TMPRSS15: variants seen among roughly 807,000 people sequenced by gnomAD.
TMPRSS15 encodes the protein transmembrane serine protease 15.
A neutral mutation model predicts 125.3 loss-of-function variants in TMPRSS15; 128 were observed. The ratio of observed to expected loss-of-function variants is 1.02; its 90% CI spans 0.89 to 1.18. The LOEUF (loss-of-function observed/expected upper bound fraction) is 1.18. Ranked by LOEUF, TMPRSS15 falls within the 50% of genes most tolerant of loss-of-function variation. The probability of loss-of-function intolerance (pLI) is 0.00; values close to 1 mark genes in which losing one functional copy is unlikely to be tolerated. For missense variants in TMPRSS15, 1,283 were observed against 1,212.7 expected, an observed-to-expected ratio of 1.06 and a Z score of -0.86; for synonymous variants, 446 against 423.2, an observed-to-expected ratio of 1.05 and a Z score of -0.66.
At chr21:18,400,618 A>G (rs1041101462) in intron 1 of TMPRSS15, among the ~76,000 whole-genome samples, 1 of 152,168 alleles carries the variant, frequency 6.6e-6, no homozygotes, top group African/African-American at 2.4e-5. Flanking sequence ...ACCTCAAACT[A>G]TAACAATCCT....
chr21:18,434,949 C>A (rs190950273), intron 1 of TMPRSS15, among the ~76,000 whole-genome samples: 13 of 152,094 alleles, frequency 8.5e-5, no homozygotes, highest in African/African-American at 3.1e-4. Flanking sequence ...TAGATATTAT[C>A]TTTTCTAAAT....
At chr21:18,421,868 TC>T (rs2076192553) in intron 1 of TMPRSS15, among the ~76,000 whole-genome samples, 1 of 152,160 alleles carries the variant, frequency 6.6e-6, no homozygotes, top group African/African-American at 2.4e-5. Flanking sequence ...AAAATGATTA[TC>T]GATACACCCC....
intron 24 of TMPRSS15, among the ~76,000 whole-genome samples, chr21:18,274,746 G>A (rs1056708775): frequency 2.0e-5 from 3 of 152,168 alleles, no homozygotes; most frequent in Non-Finnish European, 2.9e-5. Flanking sequence ...GTTACTGCAC[G>A]CCTGGATGAT....
At position 18,294,340 on chromosome 21, in the gene TMPRSS15, C is replaced by G; in HGVS notation, c.2416G>C (p.Gly806Arg). Residue 806 changes from glycine to arginine, a missense_variant, in exon 21 of 25, where the codon GGC (glycine) becomes CGC (arginine). Gly to Arg is a moderately radical substitution (Grantham distance 125). Coordinates refer to ENST00000284885, the MANE Select transcript of TMPRSS15 (RefSeq NM_002772.3). ...WPWVVGLYYG[G>R]RLLCGASLVS... ...AGAGATGCGCCGCAGAGCAGTCGGC[C>G]GCCATAATACAGACCCACAACCCAG... 3 of 1,614,222 alleles carry G rather than the reference C, an allele frequency of 1.9e-6. No homozygotes were observed. Among genetic ancestry groups the G allele is most frequent in the Non-Finnish European group, 2.5e-6 (3 of 1,180,044 alleles).
At chr21:18,341,268 G>A (rs889425746) in intron 13 of TMPRSS15, 145 bp downstream of exon 13, 14 of 937,372 alleles carry the variant, frequency 1.5e-5, no homozygotes, top group East Asian at 2.5e-5. Flanking sequence ...ACAGAGTCTC[G>A]CTGTAATCCT....
At position 18,294,633 on chromosome 21, in the gene TMPRSS15, A is replaced by G. The variant is rs1283966464; in HGVS notation, c.2281T>C (p.Ser761Pro). ...TGGTTACACTGTAACCGAATCAAGG[A>G]ATCCTGTAAACACTGTTGACTGTAA... ...LTPSQQCLQD[S>P]LIRLQCNHKS... The change falls in exon 20 of 25, where the codon TCC becomes CCC. Residue 761 changes from serine (S) to proline (P), a missense_variant. Physicochemically the swap from Ser to Pro is moderately conservative, Grantham distance 74. Transcript: ENST00000284885. The G allele has an allele frequency of 6.2e-7, 1 of 1,611,134 alleles. No homozygotes were observed. The highest frequency in any genetic ancestry group is 1.3e-5 in the African/African-American group (1 of 74,894).
At chr21:18,407,628 G>A (rs1038719007), upstream of TMPRSS15, among the ~76,000 whole-genome samples, 7 of 151,468 alleles carry the variant, frequency 4.6e-5, no homozygotes, top group East Asian at 3.9e-4. Flanking sequence ...CTCTTCCCCC[G>A]CTTTTTTCTT....
chr21:18,329,182 A>G lies in TMPRSS15; in HGVS notation c.1767T>C (p.Asp589=). The G allele has an allele frequency of 6.2e-7, 1 of 1,612,782 alleles. No homozygotes were observed. The highest frequency in any genetic ancestry group is 8.5e-7 in the Non-Finnish European group (1 of 1,179,118). Reference sequence around the variant, plus strand: ...TTGCAGACTTACCTAAGAGCAAGGAATCAGCTTCTTCACCATCTCTTATTT... The same window carrying G: ...TTGCAGACTTACCTAAGAGCAAGGAGTCAGCTTCTTCACCATCTCTTATTT... ...VVEIRDGEEA[D]SLLLAVYTGP... is the part of the protein sequence containing the mutation. Residue 589 remains aspartate, a synonymous_variant, in exon 15 of 25, where the codon GAT becomes GAC. Coordinates refer to ENST00000284885, the MANE Select transcript of TMPRSS15 (RefSeq NM_002772.3).
At chr21:18,436,083 C>A (rs1374624213) in intron 1 of TMPRSS15, among the ~76,000 whole-genome samples, 1 of 150,166 alleles carries the variant, frequency 6.7e-6, no homozygotes. Flanking sequence ...AAAAAACCAG[C>A]TCCTGGATTC....
Position 18,359,336 on chromosome 21 carries a change from G to T in TMPRSS15, c.880+421C>A, listed in dbSNP as rs190104627. Among the ~76,000 whole-genome samples, 9 of 152,128 alleles carry T rather than the reference G, an allele frequency of 5.9e-5. No individual in the cohort carries two copies. In the East Asian group the frequency reaches 1.7e-3, roughly 29 times the overall value. The stretch of plus-strand genomic sequence containing the variant: ...TTAGCCACTTTATTAGTAATAGCCT[G>T]CAGGAGACCGAGGAGCAGGATGAAC... On this transcript the variant is annotated intron_variant, in intron 8 of 24. Transcript: ENST00000284885.
chr21:18,471,381 T>A (rs2123283251), intron 1 of TMPRSS15, among the ~76,000 whole-genome samples: 1 of 152,200 alleles, frequency 6.6e-6, no homozygotes, highest in African/African-American at 2.4e-5. Flanking sequence ...TATATAGAAC[T>A]TTTTACAGCC....
chr21:18,464,589 C>A (rs1429081917), intron 1 of TMPRSS15, among the ~76,000 whole-genome samples: 5 of 152,044 alleles, frequency 3.3e-5, no homozygotes, highest in Non-Finnish European at 7.4e-5. Context: ...TCACCACCAA[C>A]CCCATAGAAA....
At chr21:18,380,604 AT>A (rs1401603220) in intron 4 of TMPRSS15, 4 of 470,650 alleles carry the variant, frequency 8.5e-6, no homozygotes, top group Non-Finnish European at 1.8e-5. Flanking sequence ...CGTAAAGTTG[AT>A]TTAACACATG....
In TMPRSS15 at chr21:18,344,644, C is replaced by T. The variant is rs533958460; in HGVS notation, c.1172-584G>A. ...AGAAAGCATGCTAATCCGTATAAAACTTTCAAAATAGCACAAGCCACTGCA... is the reference window on the plus strand; with the variant it reads ...AGAAAGCATGCTAATCCGTATAAAATTTTCAAAATAGCACAAGCCACTGCA... On this transcript the variant is annotated intron_variant, in intron 10 of 24. Transcript: ENST00000284885. Among the ~76,000 whole-genome samples, 8 of 152,296 alleles carry T rather than the reference C, an allele frequency of 5.3e-5. No individual in the cohort carries two copies. The East Asian group carries it at 1.5e-3, about 29-fold the overall frequency.
chr21:18,388,348 G>T (rs2075963238), intron 3 of TMPRSS15, among the ~76,000 whole-genome samples: 1 of 152,110 alleles, frequency 6.6e-6, no homozygotes. Flanking sequence ...CATATGTGGT[G>T]ATTTTGTCAT....
intron 13 of TMPRSS15, among the ~76,000 whole-genome samples, chr21:18,340,764 C>T (rs1028639754): frequency 6.6e-6 from 1 of 152,110 alleles, no homozygotes; most frequent in Non-Finnish European, 1.5e-5. Flanking sequence ...GGCACCCTCC[C>T]CAAAGACTAC....
At chr21:18,360,916 T>C (rs1169830177) in intron 7 of TMPRSS15, among the ~76,000 whole-genome samples, 2 of 152,162 alleles carry the variant, frequency 1.3e-5, no homozygotes, top group Admixed American at 6.6e-5. Context: ...ATGTATATTG[T>C]TCATACCATC....
At chr21:18,276,599 CTGTT>C (rs1222472004) in intron 23 of TMPRSS15, among the ~76,000 whole-genome samples, 2 of 152,100 alleles carry the variant, frequency 1.3e-5, no homozygotes, top group African/African-American at 2.4e-5. Flanking sequence ...GATGATAAAA[CTGTT>C]TGGTAAAGGA....
intron 17 of TMPRSS15, 74 bp downstream of exon 17, chr21:18,315,072 T>C: frequency 8.5e-7 from 1 of 1,173,420 alleles, no homozygotes; most frequent in Non-Finnish European, 1.3e-6. Flanking sequence ...ACAGTTATAA[T>C]CTTTCTTTGA....
Sources: gnomAD v4.1 joint callset for allele counts (sites outside exome capture counted in the v4.1 genomes callset) on GRCh38, gnomAD v4.1.1 for gene constraint, MANE v1.5 for transcripts, NCBI Gene and HGNC (gene_info 2026-07-23, HGNC 2026-07-21) for gene names.